The following LRRC9 variants were observed in gnomAD, a reference collection of about 807,000 sequenced individuals.
LRRC9 encodes the protein leucine-rich repeat-containing protein 9.
A neutral mutation model predicts 63.2 loss-of-function variants in LRRC9; 122 were observed. The ratio of observed to expected loss-of-function variants is 1.93; its 90% CI spans 1.67 to 2.24. The LOEUF is 2.24. Ranked by LOEUF, LRRC9 falls within the 30% of genes most tolerant of loss-of-function variation. The pLI, the probability that LRRC9 is intolerant of heterozygous loss-of-function variation, is 0.00. For missense variants in LRRC9, 1,071 were observed against 627.7 expected (o/e 1.71, Z -7.55); for synonymous variants, 366 against 213.1 (o/e 1.72, Z -6.25).
intron 8 of LRRC9, among the ~76,000 whole-genome samples, chr14:59,959,451 T>A (rs2139962479): frequency 6.6e-6 from 1 of 152,348 alleles, no homozygotes; most frequent in African/African-American, 2.4e-5. Flanking sequence ...TATTTGAATT[T>A]TAAATATTTG....
At chr14:60,054,474 T>TA (rs560206330) in intron 30 of LRRC9, among the ~76,000 whole-genome samples, 109 of 152,208 alleles carry the variant, frequency 7.2e-4, no homozygotes, top group African/African-American at 2.6e-3. Context: ...AAGAAAATGA[T>TA]AAAAATGCAG....
Position 59,938,878 on chromosome 14 carries a change from TAC to T in LRRC9, c.726+312_726+313del, listed in dbSNP as rs1040326237. On this transcript the variant is annotated intron_variant, in intron 7 of 31. Coordinates refer to ENST00000445360, the Ensembl canonical transcript of LRRC9. The surrounding 1 kb of genome is among the most constrained non-coding windows in gnomAD (Gnocchi z 4.2). Reference sequence around the variant, plus strand: ...AAAATAGACTAGTGCCATATATATATACACACATATATACACATATATATACA... The same window carrying T: ...AAAATAGACTAGTGCCATATATATATACACATATATACACATATATATACA... Among the ~76,000 whole-genome samples, 28 of 146,976 alleles carry T rather than the reference TAC, an allele frequency of 1.9e-4. No homozygotes were observed. In the South Asian group the frequency reaches 3.0e-3, roughly 16 times the overall value.
At chr14:60,059,881 C>T (rs765429604) in intron 31 of LRRC9, among the ~76,000 whole-genome samples, 2 of 152,186 alleles carry the variant, frequency 1.3e-5, no homozygotes, top group African/African-American at 2.4e-5. Context: ...TGATGAAAGT[C>T]GCTACACTAA....
chr14:60,010,789 C>A (rs949708168), intron 23 of LRRC9, among the ~76,000 whole-genome samples: 10 of 152,172 alleles, frequency 6.6e-5, no homozygotes, highest in African/African-American at 2.4e-4. Context: ...GAAAATGCCA[C>A]CAATCTCTTT....
intron 29 of LRRC9, among the ~76,000 whole-genome samples, chr14:60,032,727 C>A (rs1047384485): frequency 2.6e-5 from 4 of 152,120 alleles, no homozygotes; most frequent in African/African-American, 4.8e-5. Flanking sequence ...AATAGTCAAT[C>A]ATGATCACCC....
intron 8 of LRRC9, among the ~76,000 whole-genome samples, chr14:59,948,032 C>T (rs1882655839): frequency 6.9e-6 from 1 of 145,492 alleles, no homozygotes; most frequent in Admixed American, 6.9e-5. Context: ...TAGTTTTTTC[C>T]AATTCTGTGA....
intron 18 of LRRC9, among the ~76,000 whole-genome samples, chr14:59,998,385 C>T (rs1239160917): frequency 1.3e-5 from 2 of 151,920 alleles, no homozygotes; most frequent in Non-Finnish European, 2.9e-5. Context: ...CTTATGTTCT[C>T]TTATAAAAAG....
At chr14:60,024,548 C>T (rs1445360650) in intron 27 of LRRC9, among the ~76,000 whole-genome samples, 1 of 152,010 alleles carries the variant, frequency 6.6e-6, no homozygotes, top group Non-Finnish European at 1.5e-5. Context: ...TTCTCAAAGA[C>T]AGGCCTTTCT....
rs534585892 is a variant in LRRC9 at position 60,027,821 on chromosome 14, T to C, written c.3704-63T>C. On this transcript the variant is annotated intron_variant, in intron 27 of 31. Transcript: ENST00000445360. The surrounding 1 kb of genome is among the most constrained non-coding windows in gnomAD (Gnocchi z 4.0). ...TGATTAAAAAATATTTAAATGTAAGTAGATATCCTTTACTTCAGGAAGTTT... is the reference window on the plus strand; with the variant it reads ...TGATTAAAAAATATTTAAATGTAAGCAGATATCCTTTACTTCAGGAAGTTT... 3 of 568,542 alleles carry C rather than the reference T, an allele frequency of 5.3e-6. No individual in the cohort carries two copies. The highest frequency in any genetic ancestry group is 2.8e-4 in the Middle Eastern group (1 of 3,556). 35.2% of individuals were successfully genotyped at this position (568,542 alleles called of 1,614,324 possible).
At chr14:59,957,733 G>A (rs143844027) in intron 8 of LRRC9, among the ~76,000 whole-genome samples, 2 of 152,078 alleles carry the variant, frequency 1.3e-5, no homozygotes, top group East Asian at 3.9e-4. Context: ...AATTTTCAGC[G>A]TTTTTGTGCT....
intron 13 of LRRC9, among the ~76,000 whole-genome samples, chr14:59,975,052 T>TATATATAG (rs1885986157): frequency 2.2e-5 from 1 of 45,990 alleles, no homozygotes; most frequent in Admixed American, 3.5e-4. Flanking sequence ...TATATATATA[T>TATATATAG]GCTGAACTAA....
chr14:59,925,035 GA>G (rs1200526975), intron 1 of LRRC9, among the ~76,000 whole-genome samples: 2 of 151,478 alleles, frequency 1.3e-5, no homozygotes, highest in Non-Finnish European at 2.9e-5. Flanking sequence ...ATAAGGTCCT[GA>G]TCTTCTTTTT....
intron 20 of LRRC9, 22 bp downstream of exon 20, chr14:60,002,122 C>T (rs368717137): frequency 2.9e-6 from 2 of 684,768 alleles, no homozygotes; most frequent in South Asian, 3.1e-5. Context: ...TTCTATTAAA[C>T]CTAATATAAA....
chr14:59,952,188 G>A (rs566808096), intron 8 of LRRC9, among the ~76,000 whole-genome samples: 1 of 151,882 alleles, frequency 6.6e-6, no homozygotes, highest in East Asian at 1.9e-4. Context: ...CCAGGTGTGG[G>A]ATATAGTCTC....
intron 10 of LRRC9, among the ~76,000 whole-genome samples, chr14:59,963,930 A>G (rs990009898): frequency 6.6e-6 from 1 of 152,204 alleles, no homozygotes; most frequent in African/African-American, 2.4e-5. Context: ...TGTGTAGCCT[A>G]CATTTGCTAA....
intron 20 of LRRC9, 122 bp downstream of exon 20, chr14:60,002,222 T>A (rs948643144): frequency 4.1e-6 from 2 of 490,450 alleles, no homozygotes; most frequent in Admixed American, 3.7e-5. Flanking sequence ...TGGAAGAGAT[T>A]AATTAAAATA....
At chr14:59,982,424 C>T (rs774126381) in intron 16 of LRRC9, among the ~76,000 whole-genome samples, 17 of 152,108 alleles carry the variant, frequency 1.1e-4, no homozygotes, top group Non-Finnish European at 2.2e-4. Context: ...TTTAGCTCAT[C>T]GTTCTGGAGG....
intron 7 of LRRC9, among the ~76,000 whole-genome samples, chr14:59,940,514 TA>T (rs1402126458): frequency 6.6e-6 from 1 of 152,014 alleles, no homozygotes; most frequent in Non-Finnish European, 1.5e-5. Context: ...ACCAAAGAGT[TA>T]GTGCAAGACA....
In LRRC9 at chr14:60,011,710, AATGGG is replaced by A. The variant is rs574349719; in HGVS notation, c.3186+3498_3186+3502del. Among the ~76,000 whole-genome samples, 635 of 152,340 alleles carry A rather than the reference AATGGG, an allele frequency of 4.2e-3. 3 individuals carry two copies. The highest frequency in any genetic ancestry group is 0.02 in the Middle Eastern group (6 of 294). On this transcript the variant is annotated intron_variant, in intron 23 of 31. Transcript: ENST00000445360. ...AGAATTTAGATTTTAAATGCAAGGTAATGGGAATGCATTGGATTTGAAGGGCAAAG... is the reference window on the plus strand; with the variant it reads ...AGAATTTAGATTTTAAATGCAAGGTAAATGCATTGGATTTGAAGGGCAAAG...
Sources: allele counts gnomAD v4.1 joint callset (sites outside exome capture counted in the v4.1 genomes callset), GRCh38; gene constraint gnomAD v4.1.1; non-coding constraint Gnocchi (gnomAD v3.1); transcripts MANE v1.5; gene names NCBI Gene and HGNC (gene_info 2026-07-23, HGNC 2026-07-21).